Variants in TENT4B observed in about 807,000 individuals in gnomAD.
TENT4B encodes the protein terminal nucleotidyltransferase 4B.
In TENT4B, 10 loss-of-function variants were observed where a neutral mutation model predicts 75.0. The observed-to-expected ratio is 0.13, with a 90% CI of 0.08 to 0.23. The LOEUF is 0.23. Ranked by LOEUF, TENT4B falls within the 10% of genes least tolerant of loss-of-function variation. TENT4B has a pLI of 1.00. For synonymous variants in TENT4B, 350 were observed against 357.7 expected, an observed-to-expected ratio of 0.98 and a Z score of 0.24; for missense variants, 579 against 893.8, an observed-to-expected ratio of 0.65 and a Z score of 4.49.
rs779636578 is a variant in TENT4B, at chr16:50,222,442, A to G, written c.1167+8A>G. 9.3e-6 allele frequency: 15 copies of G among 1,613,316 alleles called. No individual in the cohort carries two copies. Among genetic ancestry groups the G allele is most frequent in the South Asian group, 2.2e-5 (2 of 91,000 alleles). On this transcript the variant is annotated splice_region_variant and intron_variant, in intron 6 of 11. Transcript: ENST00000561678. ...GCAGTCAGTTTCCTTCAGGTAAGTC[A>G]TATGGGTATAGCATGCTAGTGCACA...
At chr16:50,208,515 G>C (rs1282694190) in intron 1 of TENT4B, among the ~76,000 whole-genome samples, 1 of 151,446 alleles carries the variant, frequency 6.6e-6, no homozygotes, top group Non-Finnish European at 1.5e-5. Flanking sequence ...GTCCATCCTG[G>C]GCAGCTGTGA....
At chr16:50,164,487 T>G (rs1295371058) in intron 1 of TENT4B, among the ~76,000 whole-genome samples, 1 of 151,700 alleles carries the variant, frequency 6.6e-6, no homozygotes, top group Non-Finnish European at 1.5e-5. Context: ...TTTTGTATTT[T>G]TAGTGGAGAC....
rs1298959117 is a variant in TENT4B at position 50,195,680 on chromosome 16, A to G, written c.639-15643A>G. On this transcript the variant is annotated intron_variant, in intron 1 of 11. Coordinates refer to ENST00000561678, the MANE Select transcript of TENT4B (RefSeq NM_001365324.3). ...AGAGGAAAGTGTGCAGTACTTATGCATATCATTTTCATTAATGAAACTAAA... is the reference window on the plus strand; with the variant it reads ...AGAGGAAAGTGTGCAGTACTTATGCGTATCATTTTCATTAATGAAACTAAA... Among the ~76,000 whole-genome samples the G allele has an allele frequency of 3.3e-5, 5 of 152,216 alleles. 1 individual carries two copies. In the South Asian group the frequency reaches 8.3e-4, roughly 25 times the overall value.
chr16:50,161,648 C>CT (rs1359989394), intron 1 of TENT4B, among the ~76,000 whole-genome samples: 1 of 152,070 alleles, frequency 6.6e-6, no homozygotes, highest in Non-Finnish European at 1.5e-5. Flanking sequence ...AATTTTTTTA[C>CT]TTTCTATTTT....
chr16:50,198,034 TGTA>T (rs2030389610), intron 1 of TENT4B, among the ~76,000 whole-genome samples: 1 of 151,284 alleles, frequency 6.6e-6, no homozygotes, highest in South Asian at 2.1e-4. Flanking sequence ...TTCTAGCCAA[TGTA>T]GTAGGGCAAG....
At chr16:50,174,959 T>A (rs2038277415) in intron 1 of TENT4B, among the ~76,000 whole-genome samples, 1 of 152,000 alleles carries the variant, frequency 6.6e-6, no homozygotes, top group Non-Finnish European at 1.5e-5. Flanking sequence ...GCCAGACTGG[T>A]CTTGAACTCT....
Position 50,155,272 on chromosome 16 carries a change from G to GTGTGT in TENT4B, c.638+1013_638+1014insTGTGT, listed in dbSNP as rs2037871396. ...TAAAACAAAGCTTTTGGGTCTCGTG[G>GTGTGT]GTGTGTGTGTGTGTGTGTGTGTGTG... On this transcript the variant is annotated intron_variant, in intron 1 of 11. Coordinates refer to ENST00000561678, the MANE Select transcript of TENT4B (RefSeq NM_001365324.3). Among the ~76,000 whole-genome samples the GTGTGT allele has an allele frequency of 1.4e-3, 189 of 135,478 alleles. 1 individual carries two copies. Among genetic ancestry groups the GTGTGT allele is most frequent in the Non-Finnish European group, 2.2e-3 (141 of 64,072 alleles). The allele number at this position is 135,478 out of a possible 152,430, so 88.9% of individuals were successfully genotyped here.
chr16:50,206,612 A>G (rs146262256), intron 1 of TENT4B, among the ~76,000 whole-genome samples: 1 of 152,184 alleles, frequency 6.6e-6, no homozygotes, highest in East Asian at 1.9e-4. Context: ...GAACAGAAAC[A>G]TGGATGAGCC....
Position 50,229,996 on chromosome 16 carries a change from T to A in TENT4B, c.*668T>A. 1 of 975,944 alleles carries A rather than the reference T, an allele frequency of 1.0e-6. No individual in the cohort carries two copies. Among genetic ancestry groups the A allele is most frequent in the Non-Finnish European group, 1.2e-6 (1 of 821,110 alleles). 60.5% of individuals were successfully genotyped at this position (975,944 alleles called of 1,614,324 possible). On this transcript the variant is annotated 3_prime_UTR_variant, in exon 12 of 12. Transcript: ENST00000561678. ...ATCCATATATAGGGAAGTGATTAGT[T>A]CTATTACTCAATTTGTTTTTCTCAG... is the stretch of plus-strand genomic sequence containing the variant.
In TENT4B at chr16:50,185,696, T is replaced by C. The variant is rs8047795; in HGVS notation, c.639-25627T>C. ...TTACCTTCCACTGGGATTTGACACATTTGATTTCCTTTATTCCCTCCTTCC... is the reference window on the plus strand; with the variant it reads ...TTACCTTCCACTGGGATTTGACACACTTGATTTCCTTTATTCCCTCCTTCC... On this transcript the variant is annotated intron_variant, in intron 1 of 11. Transcript: ENST00000561678. Among the ~76,000 whole-genome samples, 486 of 152,250 alleles carry C rather than the reference T, an allele frequency of 3.2e-3. 2 individuals are homozygous for C. The highest frequency in any genetic ancestry group is 0.011 in the African/African-American group (454 of 41,544).
chr16:50,158,898 G>T (rs2037950991), intron 1 of TENT4B, among the ~76,000 whole-genome samples: 5 of 152,106 alleles, frequency 3.3e-5, no homozygotes, highest in Admixed American at 6.6e-5. Context: ...TTCCTTAAGT[G>T]GATTTAATAA....
At chr16:50,209,110 A>C (rs1395325813) in intron 1 of TENT4B, among the ~76,000 whole-genome samples, 2 of 152,194 alleles carry the variant, frequency 1.3e-5, no homozygotes, top group East Asian at 3.9e-4. Context: ...CTTTATTTGA[A>C]TTAGAAAATT....
At chr16:50,181,197 G>A (rs991014383) in intron 1 of TENT4B, among the ~76,000 whole-genome samples, 8 of 152,198 alleles carry the variant, frequency 5.3e-5, no homozygotes, top group Admixed American at 3.3e-4. Context: ...TTGTTTTTAA[G>A]CAAGACAGAA....
chr16:50,177,057 T>G (rs1228429206), intron 1 of TENT4B, among the ~76,000 whole-genome samples: 1 of 151,076 alleles, frequency 6.6e-6, no homozygotes, highest in East Asian at 2.0e-4. Context: ...GGCTGGAGTG[T>G]AGTGGCGCAA....
chr16:50,153,601 G>A lies in TENT4B; in HGVS notation c.-21G>A. The A allele has an allele frequency of 1.0e-6, 1 of 1,001,708 alleles. No homozygotes were observed. The highest frequency in any genetic ancestry group is 1.2e-6 in the Non-Finnish European group (1 of 843,212). The allele number at this position is 1,001,708 out of a possible 1,614,324, so 62.1% of individuals were successfully genotyped here. A position where few individuals can be genotyped will look rare whatever the true frequency, so the allele number is the denominator to read the frequency against. On this transcript the variant is annotated 5_prime_UTR_variant, in exon 1 of 12. Transcript: ENST00000561678. ...CCTGCGGGCGGCCGGGAGGGGCGGG[G>A]GCAGCGGCCGCCGCCGTTTGATGGA...
At position 50,194,216 on chromosome 16, in the gene TENT4B, C is replaced by CTTT. The variant is rs5816679; in HGVS notation, c.639-17096_639-17094dup. Among the ~76,000 whole-genome samples, 115 of 139,814 alleles carry CTTT rather than the reference C, an allele frequency of 8.2e-4. 2 individuals are homozygous for CTTT. The East Asian group carries it at 0.018, about 22-fold the overall frequency. The allele number at this position is 139,814 out of a possible 152,430, so 91.7% of individuals were successfully genotyped here. ...TCTGTTCTTTCTTTCTCTTTTCTTT[C>CTTT]TTTTTTTTTTTTTCTCTGAGACGGA... is the stretch of plus-strand genomic sequence containing the variant. On this transcript the variant is annotated intron_variant, in intron 1 of 11. Transcript: ENST00000561678.
intron 5 of TENT4B, among the ~76,000 whole-genome samples, chr16:50,221,030 T>C (rs2031804037): frequency 6.6e-6 from 1 of 152,146 alleles, no homozygotes; most frequent in African/African-American, 2.4e-5. Flanking sequence ...TTCACACCTG[T>C]AATCCCAACA....
intron 1 of TENT4B, among the ~76,000 whole-genome samples, chr16:50,169,402 T>G (rs1014886328): frequency 1.3e-3 from 188 of 148,398 alleles, no homozygotes; most frequent in Non-Finnish European, 2.0e-3. Context: ...TTTTTTTTTT[T>G]TTTTTTTTTT....
rs2032395494 is a variant in TENT4B, at chr16:50,234,726, A to G, written c.*5398A>G. 4 of 985,458 alleles carry G rather than the reference A, an allele frequency of 4.1e-6. No individual in the cohort carries two copies. Among genetic ancestry groups the G allele is most frequent in the Non-Finnish European group, 4.8e-6 (4 of 829,926 alleles). 61.0% of individuals were successfully genotyped at this position (985,458 alleles called of 1,614,324 possible). On this transcript the variant is annotated 3_prime_UTR_variant, in exon 12 of 12. Coordinates refer to ENST00000561678, the MANE Select transcript of TENT4B (RefSeq NM_001365324.3). ...TCAAGAGTCTCCAGTCTTTACTACT[A>G]AAAAGCAGCACTGCCTTAACACACA... is the stretch of plus-strand genomic sequence containing the variant.
Sources: gnomAD v4.1 joint callset for allele counts (sites outside exome capture counted in the v4.1 genomes callset) on GRCh38, gnomAD v4.1.1 for gene constraint, MANE v1.5 for transcripts, NCBI Gene and HGNC (gene_info 2026-07-23, HGNC 2026-07-21) for gene names.